Variants in ALG13 observed in about 807,000 individuals in gnomAD.
The protein encoded by ALG13 is ALG13 UDP-N-acetylglucosaminyltransferase subunit, also known as UDP-N-acetylglucosamine transferase subunit ALG13.
Under a neutral mutation model 87.8 loss-of-function variants are expected in ALG13, and 11 were observed. The observed-to-expected ratio is 0.13, with a 90% CI of 0.08 to 0.21. The LOEUF is 0.21. Ranked by LOEUF, ALG13 falls within the 10% of genes least tolerant of loss-of-function variation. ALG13 has a pLI of 1.00. For missense variants in ALG13, 756 were observed against 866.1 expected (o/e 0.87, Z 1.60); for synonymous variants, 320 against 306.3 (o/e 1.04, Z -0.47).
Position 111,698,914 on chromosome X carries a change from A to G in ALG13, c.384-9113A>G, listed in dbSNP as rs5985634. Among the ~76,000 whole-genome samples the G allele has an allele frequency of 8.9e-3, 996 of 111,538 alleles. 17 individuals carry two copies. Among genetic ancestry groups the G allele is most frequent in the African/African-American group, 0.03 (917 of 30,714 alleles). ...ACTAGATCATATGGTAGTTCTATTTAATTTTTTGAGGAACTTCCATACTGT... is the reference window on the plus strand; with the variant it reads ...ACTAGATCATATGGTAGTTCTATTTGATTTTTTGAGGAACTTCCATACTGT... On this transcript the variant is annotated intron_variant, in intron 3 of 26. Coordinates refer to ENST00000394780, the MANE Select transcript of ALG13 (RefSeq NM_001099922.3).
intron 24 of ALG13, among the ~76,000 whole-genome samples, chrX:111,751,782 G>A (rs1311612425): frequency 9.0e-6 from 1 of 111,519 alleles, no homozygotes; most frequent in Non-Finnish European, 1.9e-5. Flanking sequence ...CTTAAAGAGG[G>A]ATTTTCTAAA....
chrX:111,719,410 C>T (rs756150734), intron 10 of ALG13, among the ~76,000 whole-genome samples: 8 of 112,216 alleles, frequency 7.1e-5, no homozygotes, highest in African/African-American at 2.6e-4. Context: ...TCACTGATCA[C>T]TTGTCTTAAG....
chrX:111,692,801 AT>A (rs756661779), intron 3 of ALG13, among the ~76,000 whole-genome samples: 174 of 109,362 alleles, frequency 1.6e-3, no homozygotes, highest in Middle Eastern at 4.7e-3. Context: ...TTACCAAACA[AT>A]TTTTTTTTTC....
intron 14 of ALG13, 91 bp downstream of exon 14, chrX:111,723,989 A>C: frequency 3.6e-6 from 2 of 561,882 alleles, no homozygotes; most frequent in Non-Finnish European, 2.8e-6. Context: ...GGATGCTAGT[A>C]AGAGAACCAG....
intron 3 of ALG13, among the ~76,000 whole-genome samples, chrX:111,693,260 ATT>A (rs58191343): frequency 1.1e-4 from 7 of 65,287 alleles, no homozygotes; most frequent in African/African-American, 1.1e-4. Flanking sequence ...GATGCTATTT[ATT>A]TTTTTTTTTT....
chrX:111,740,665 C>T (rs1943663582), intron 23 of ALG13, among the ~76,000 whole-genome samples: 1 of 110,699 alleles, frequency 9.0e-6, no homozygotes, highest in African/African-American at 3.3e-5. Context: ...GGCATTATGT[C>T]AGAAGGACTC....
At chrX:111,703,185 G>GTCA (rs747566924) in intron 3 of ALG13, among the ~76,000 whole-genome samples, 3,399 of 107,860 alleles carry the variant, frequency 0.032, 121 homozygotes, top group African/African-American at 0.1. Flanking sequence ...TTTTTATATT[G>GTCA]TCATCATCAT....
intron 3 of ALG13, among the ~76,000 whole-genome samples, chrX:111,700,761 T>A (rs1204906634): frequency 2.9e-5 from 3 of 103,044 alleles, no homozygotes; most frequent in Non-Finnish European, 5.9e-5. Context: ...ATTTTTTTTT[T>A]TTTTTTTTTT....
At chrX:111,690,285 G>T (rs138165282) in intron 3 of ALG13, 2 of 751,993 alleles carry the variant, frequency 2.7e-6, no homozygotes, top group Admixed American at 8.9e-5. Flanking sequence ...TTCTATTAGA[G>T]GTACTGAAAT....
intron 7 of ALG13, among the ~76,000 whole-genome samples, chrX:111,712,852 C>T (rs1241128001): frequency 9.0e-6 from 1 of 111,389 alleles, no homozygotes; most frequent in Non-Finnish European, 1.9e-5. Context: ...ATATAGTCTG[C>T]AAAAGCTGAA....
chrX:111,706,243 A>T (rs1938739446), intron 3 of ALG13, among the ~76,000 whole-genome samples: 1 of 111,749 alleles, frequency 8.9e-6, no homozygotes. Context: ...GTTAGGCAGG[A>T]TAGTCTCGAT....
intron 1 of ALG13, 177 bp from the exon 2 acceptor site, chrX:111,681,955 T>G (rs1363941508): frequency 1.0e-5 from 9 of 862,168 alleles, no homozygotes; most frequent in Non-Finnish European, 1.3e-5. Context: ...CTTGGGAGGT[T>G]CCTCGTCGGG....
chrX:111,703,534 T>C (rs1049602808), intron 3 of ALG13, among the ~76,000 whole-genome samples: 1 of 111,903 alleles, frequency 8.9e-6, no homozygotes, highest in African/African-American at 3.2e-5. Context: ...TAGTCAGCCC[T>C]TCAACCCTAA....
chrX:111,738,543 A>C, intron 23 of ALG13, among the ~76,000 whole-genome samples: 1 of 111,575 alleles, frequency 9.0e-6, no homozygotes, highest in Non-Finnish European at 1.9e-5. Context: ...TTAGGCTTTA[A>C]ATTTTTTTTG....
intron 3 of ALG13, among the ~76,000 whole-genome samples, chrX:111,694,468 C>G (rs918011668): frequency 1.8e-5 from 2 of 112,166 alleles, no homozygotes; most frequent in African/African-American, 3.2e-5. Context: ...ATCTGTAACC[C>G]ATAATGTCAT....
chrX:111,734,381 A>G (rs1397964951), intron 21 of ALG13: 3 of 112,354 alleles, frequency 2.7e-5, no homozygotes, highest in African/African-American at 9.7e-5. Context: ...CTTTGGCTAT[A>G]CTTGAACACA....
chrX:111,684,875 T>G, intron 2 of ALG13, 90 bp from the exon 3 acceptor site: 1 of 931,814 alleles, frequency 1.1e-6, no homozygotes. Flanking sequence ...TCAACTTAAG[T>G]TTTTTAACTT....
intron 3 of ALG13, among the ~76,000 whole-genome samples, chrX:111,693,016 A>G (rs1389517525): frequency 1.8e-5 from 2 of 110,846 alleles, no homozygotes; most frequent in African/African-American, 6.6e-5. Context: ...CCTGGGCTCA[A>G]GTGATCTGCC....
rs1942182184 is a variant in ALG13 at position 111,727,332 on chromosome X, G to A, written c.1977G>A (p.Arg659=). ...PRQGRGYGMP[R]NSSRFINRHN... ...TAGTTTCCTTTCTCTTTATTCTTAG[G>A]AATTCATCTCGGTTTATAAACAGGC... Residue 659 remains arginine (R), a splice_region_variant and synonymous_variant, in exon 17 of 27, where the codon AGG becomes AGA. Transcript: ENST00000394780. 3 of 1,198,455 alleles carry A rather than the reference G, an allele frequency of 2.5e-6. No individual in the cohort carries two copies. The highest frequency in any genetic ancestry group is 3.4e-6 in the Non-Finnish European group (3 of 885,204).
Sources: allele counts gnomAD v4.1 joint callset (sites outside exome capture counted in the v4.1 genomes callset), GRCh38; gene constraint gnomAD v4.1.1; transcripts MANE v1.5; gene names NCBI Gene and HGNC (gene_info 2026-07-23, HGNC 2026-07-21).